The following PARPBP variants were observed in gnomAD, a reference collection of about 807,000 sequenced individuals.
PARPBP encodes PARP1 binding protein.
A neutral mutation model predicts 50.0 loss-of-function variants in PARPBP; 52 were observed. The ratio of observed to expected loss-of-function variants is 1.04; its 90% confidence interval spans 0.83 to 1.31. The LOEUF is 1.31. Among genes scored for constraint, PARPBP ranks in the 50% most tolerant of loss-of-function variants. PARPBP has a pLI of 0.00. For synonymous variants in PARPBP, 244 were observed against 232.1 expected (o/e 1.05, Z -0.47); for missense variants, 697 against 672.0 (o/e 1.04, Z -0.41).
chr12:102,156,612 A>G (rs1733222626), intron 4 of PARPBP, among the ~76,000 whole-genome samples: 2 of 152,128 alleles, frequency 1.3e-5, no homozygotes, highest in African/African-American at 4.8e-5. Flanking sequence ...TATATTCAAC[A>G]TATTTTAATT....
chr12:102,140,471 G>T (rs1884396206), intron 2 of PARPBP, among the ~76,000 whole-genome samples: 2 of 152,064 alleles, frequency 1.3e-5, no homozygotes, highest in South Asian at 4.1e-4. Context: ...GGTTTTTTGT[G>T]TCTCTATTTC....
intron 7 of PARPBP, among the ~76,000 whole-genome samples, chr12:102,175,931 C>T (rs1437209874): frequency 6.6e-6 from 1 of 151,550 alleles, no homozygotes; most frequent in African/African-American, 2.4e-5. Flanking sequence ...GTACTAAAAA[C>T]TTATAATTCT....
rs1382849638 is a variant in PARPBP, at chr12:102,196,100, G to C, written c.1549G>C (p.Gly517Arg). 5 of 1,611,798 alleles carry C rather than the reference G, an allele frequency of 3.1e-6. No homozygotes were observed. Among genetic ancestry groups the C allele is most frequent in the Non-Finnish European group, 4.2e-6 (5 of 1,178,554 alleles). Residue 517 changes from glycine to arginine, a missense_variant, in exon 11 of 11, where the codon GGT becomes CGT. By Grantham distance (125) the Gly-to-Arg change is moderately radical. Transcript: ENST00000327680. ...SSKRKQVDLD[G>R]ENILCDNRNE... ...AAAAAGGAAACAGGTGGATTTGGATGGTGAAAATATTCTCTGTGATAATAG... is the reference window on the plus strand; with the variant it reads ...AAAAAGGAAACAGGTGGATTTGGATCGTGAAAATATTCTCTGTGATAATAG...
At chr12:102,164,355 CATA>C (rs1421139270) in intron 4 of PARPBP, 80 bp from the exon 5 acceptor site, 57 of 978,524 alleles carry the variant, frequency 5.8e-5, no homozygotes, top group Non-Finnish European at 8.7e-5. Flanking sequence ...TGAATGATTA[CATA>C]CATTTTTACT....
chr12:102,143,804 T>C (rs549149748), intron 2 of PARPBP, among the ~76,000 whole-genome samples: 18 of 152,266 alleles, frequency 1.2e-4, no homozygotes, highest in Non-Finnish European at 7.4e-5. Flanking sequence ...AATTGTCTTA[T>C]TGAGAAACTT....
At chr12:102,124,642 A>C (rs1881681569) in intron 2 of PARPBP, among the ~76,000 whole-genome samples, 2 of 152,198 alleles carry the variant, frequency 1.3e-5, no homozygotes. Flanking sequence ...AGGTATGATG[A>C]GGAAAGTCAG....
chr12:102,151,426 T>C (rs1886185696), intron 3 of PARPBP: 1 of 621,438 alleles, frequency 1.6e-6, no homozygotes, highest in Non-Finnish European at 2.8e-6. Context: ...TTGAGAAAGC[T>C]CATAAAATGT....
chr12:102,146,456 A>G (rs1252464611), intron 2 of PARPBP, among the ~76,000 whole-genome samples: 2 of 152,226 alleles, frequency 1.3e-5, no homozygotes, highest in African/African-American at 4.8e-5. Flanking sequence ...GAGAAAAACA[A>G]GCAATAGGGA....
intron 4 of PARPBP, chr12:102,154,787 T>C (rs749198057): frequency 3.2e-5 from 14 of 440,506 alleles, no homozygotes; most frequent in Middle Eastern, 3.3e-4. Flanking sequence ...AAATTTGCGT[T>C]TGTAAAGGAT....
rs1008025965 is a variant in PARPBP at position 102,152,733 on chromosome 12, G to A, written c.388-1136G>A. Reference sequence around the variant, plus strand: ...ATAACATTGAGATAAATACTTCAGAGTAATTTCATCTGATACTTATTAAAA... The same window carrying A: ...ATAACATTGAGATAAATACTTCAGAATAATTTCATCTGATACTTATTAAAA... On this transcript the variant is annotated intron_variant, in intron 3 of 10. Coordinates refer to ENST00000327680, the MANE Select transcript of PARPBP (RefSeq NM_017915.5). 3.3e-5 allele frequency among the ~76,000 whole-genome samples: 5 copies of A among 151,618 alleles called. No individual in the cohort carries two copies. In the East Asian group the frequency reaches 9.7e-4, roughly 29 times the overall value.
intron 6 of PARPBP, among the ~76,000 whole-genome samples, chr12:102,171,152 T>TA (rs1888680472): frequency 6.6e-6 from 1 of 151,890 alleles, no homozygotes; most frequent in Non-Finnish European, 1.5e-5. Context: ...TTAGTGCTTT[T>TA]TTTTTTTTTA....
At position 102,184,833 on chromosome 12, in the gene PARPBP, A is replaced by T. The variant is rs1408374912; in HGVS notation, c.1263+2206A>T. ...ATAACAAAAAATGCTGCCAATATTT[A>T]CTACCAAAGTTCCTATGGAAAAGTA... On this transcript the variant is annotated intron_variant, in intron 9 of 10. Transcript: ENST00000327680. Among the ~76,000 whole-genome samples, 4 of 152,174 alleles carry T rather than the reference A, an allele frequency of 2.6e-5. No individual in the cohort carries two copies. In the East Asian group the frequency reaches 5.8e-4, roughly 22 times the overall value.
intron 4 of PARPBP, chr12:102,155,287 A>G (rs1886719474): frequency 6.5e-6 from 1 of 153,390 alleles, no homozygotes. Context: ...CATCTCAAAA[A>G]AAAACAAAAA....
At chr12:102,128,934 A>G (rs1215119875) in intron 2 of PARPBP, among the ~76,000 whole-genome samples, 2 of 152,240 alleles carry the variant, frequency 1.3e-5, no homozygotes, top group South Asian at 2.1e-4. Flanking sequence ...CCAACAGTAT[A>G]CAAAGGATTC....
rs565650618 is a variant in PARPBP at position 102,164,972 on chromosome 12, T to C, written c.666+364T>C. 2.6e-5 allele frequency among the ~76,000 whole-genome samples: 4 copies of C among 152,322 alleles called. No individual in the cohort carries two copies. The South Asian group carries it at 8.3e-4, about 32-fold the overall frequency. The stretch of plus-strand genomic sequence containing the variant: ...TGGTTATACATAATCCATGATTGTA[T>C]ATAAGAGCTCTGAGAAGTCCTGCCA... On this transcript the variant is annotated intron_variant, in intron 5 of 10. Coordinates refer to ENST00000327680, the MANE Select transcript of PARPBP (RefSeq NM_017915.5).
At chr12:102,130,228 A>C (rs958016804) in intron 2 of PARPBP, among the ~76,000 whole-genome samples, 2 of 152,224 alleles carry the variant, frequency 1.3e-5, no homozygotes, top group African/African-American at 4.8e-5. Flanking sequence ...CTTAAACTAC[A>C]TACAAAAATC....
At chr12:102,133,376 G>T (rs1415535030) in intron 2 of PARPBP, among the ~76,000 whole-genome samples, 9 of 151,878 alleles carry the variant, frequency 5.9e-5, no homozygotes, top group Non-Finnish European at 1.2e-4. Context: ...TTTGTCAGAT[G>T]TTTTTTTCTG....
chr12:102,194,082 A>G (rs1021678947), intron 9 of PARPBP, among the ~76,000 whole-genome samples: 13 of 152,004 alleles, frequency 8.6e-5, no homozygotes, highest in Non-Finnish European at 1.6e-4. Flanking sequence ...ACTTGCTTTT[A>G]TGAAGCAGCT....
chr12:102,137,582 G>T (rs2137850084), intron 2 of PARPBP, among the ~76,000 whole-genome samples: 1 of 151,796 alleles, frequency 6.6e-6, no homozygotes, highest in East Asian at 1.9e-4. Context: ...GTACACATGT[G>T]CCATGTTGGT....
Sources: gnomAD v4.1 joint callset for allele counts (sites outside exome capture counted in the v4.1 genomes callset) on GRCh38, gnomAD v4.1.1 for gene constraint, MANE v1.5 for transcripts, NCBI Gene and HGNC (gene_info 2026-07-23, HGNC 2026-07-21) for gene names.